ZC2HC1B: variants seen among roughly 807,000 people sequenced by gnomAD.
The protein encoded by ZC2HC1B is zinc finger C2HC-type containing 1B.
A neutral mutation model predicts 31.0 loss-of-function variants in ZC2HC1B; 36 were observed. That is an observed-to-expected ratio of 1.16 (90% CI 0.89 to 1.54). ZC2HC1B has a LOEUF of 1.54. Ranked by LOEUF, ZC2HC1B falls within the 40% of genes most tolerant of loss-of-function variation. The pLI is 0.00. For synonymous variants in ZC2HC1B, 73 were observed against 88.0 expected (o/e 0.83, Z 0.95); for missense variants, 260 against 268.6 (o/e 0.97, Z 0.22).
intron 4 of ZC2HC1B, among the ~76,000 whole-genome samples, chr6:143,892,737 C>A (rs1252171309): frequency 6.6e-6 from 1 of 152,188 alleles, no homozygotes; most frequent in Non-Finnish European, 1.5e-5. Flanking sequence ...GCCTCCGACA[C>A]TGAAGATCAA....
At chr6:143,935,204 C>A (rs1778162342) in intron 6 of ZC2HC1B, among the ~76,000 whole-genome samples, 2 of 152,178 alleles carry the variant, frequency 1.3e-5, no homozygotes, top group African/African-American at 4.8e-5. Flanking sequence ...GCAGACTCAC[C>A]CTCAGGCACC....
rs1255044167 is a variant in ZC2HC1B at position 143,918,280 on chromosome 6, A to G, written c.598+15128A>G. On this transcript the variant is annotated intron_variant, in intron 6 of 7. Transcript: ENST00000237275. The surrounding 1 kb of genome is among the most constrained non-coding windows in gnomAD (Gnocchi z 4.1). The stretch of plus-strand genomic sequence containing the variant: ...CTCCTGAGTAGCTGAGACTAGAGGC[A>G]TGCACCTCTGTACCCATCTCTTCCC... Among the ~76,000 whole-genome samples the G allele has an allele frequency of 6.6e-6, 1 of 152,106 alleles. No individual in the cohort carries two copies. The highest frequency in any genetic ancestry group is 2.4e-5 in the African/African-American group (1 of 41,438).
At chr6:143,925,421 T>C (rs961567339) in intron 6 of ZC2HC1B, among the ~76,000 whole-genome samples, 5 of 151,838 alleles carry the variant, frequency 3.3e-5, no homozygotes, top group Admixed American at 3.3e-4. Flanking sequence ...GTGATCCGCC[T>C]GCCTACGGCC....
At chr6:143,864,993 T>C (rs1182554418) in intron 1 of ZC2HC1B, among the ~76,000 whole-genome samples, 1 of 152,244 alleles carries the variant, frequency 6.6e-6, no homozygotes, top group Non-Finnish European at 1.5e-5. Context: ...AATTCTGTGT[T>C]ATGAGGTGCT....
At position 143,895,677 on chromosome 6, in the gene ZC2HC1B, G is replaced by C. The variant is rs2128494687; in HGVS notation, c.350-2875G>C. On this transcript the variant is annotated intron_variant, in intron 4 of 7. Transcript: ENST00000237275. This position sits in a 1 kb window ranked among gnomAD's most constrained non-coding sequence, Gnocchi z 4.8. ...TACTGTGACAGTTTATGGGGACAGT[G>C]ATATAGAATATTTATAATTGTTATT... Among the ~76,000 whole-genome samples the C allele has an allele frequency of 6.6e-6, 1 of 152,242 alleles. No individual in the cohort carries two copies.
chr6:143,928,824 G>GTT (rs59359194), intron 6 of ZC2HC1B, among the ~76,000 whole-genome samples: 89,199 of 141,946 alleles, frequency 0.63, 28,223 homozygotes, highest in South Asian at 0.76. Flanking sequence ...TATTCCTAGG[G>GTT]TTTTTTTTTT....
At position 143,884,679 on chromosome 6, in the gene ZC2HC1B, G is replaced by C. The variant is rs1777509043; in HGVS notation, c.90+314G>C. On this transcript the variant is annotated intron_variant, in intron 2 of 7. Coordinates refer to ENST00000237275, the MANE Select transcript of ZC2HC1B (RefSeq NM_001013623.3). This position sits in a 1 kb window ranked among gnomAD's most constrained non-coding sequence, Gnocchi z 5.1. ...TAAGCATCGAAAATTCAAATTTCAA[G>C]GCCAAAGCACCAGGGAAATTAGCTA... Among the ~76,000 whole-genome samples the C allele has an allele frequency of 6.6e-6, 1 of 152,094 alleles. No individual in the cohort carries two copies. Among genetic ancestry groups the C allele is most frequent in the Admixed American group, 6.6e-5 (1 of 15,266 alleles).
At chr6:143,912,023 A>G (rs1042666512) in intron 6 of ZC2HC1B, among the ~76,000 whole-genome samples, 1 of 152,030 alleles carries the variant, frequency 6.6e-6, no homozygotes, top group Non-Finnish European at 1.5e-5. Context: ...ATAGTCTTCA[A>G]GCTCTGAGAT....
chr6:143,865,940 C>T lies in ZC2HC1B; in HGVS notation c.28+1373C>T, dbSNP rs1732182777. ...AGGCGATTCCCCTGCCTCAGCCTCC[C>T]GAGTAGCTGGGATTACAGGTGTGCA... On this transcript the variant is annotated intron_variant, in intron 1 of 7. Transcript: ENST00000237275. The surrounding 1 kb of genome is among the most constrained non-coding windows in gnomAD (Gnocchi z 4.4). Among the ~76,000 whole-genome samples the T allele has an allele frequency of 6.6e-6, 1 of 152,188 alleles. No homozygotes were observed. The highest frequency in any genetic ancestry group is 1.5e-5 in the Non-Finnish European group (1 of 68,032).
At chr6:143,866,184 C>T (rs1777259436) in intron 1 of ZC2HC1B, among the ~76,000 whole-genome samples, 1 of 152,238 alleles carries the variant, frequency 6.6e-6, no homozygotes. Context: ...ACCACAGATG[C>T]TCCTTGACTC....
chr6:143,886,182 A>T lies in ZC2HC1B; in HGVS notation c.210+31A>T. ...CCTGATATCTTCTTTAGTGTTTGTT[A>T]TTACATTCTGCGGTACTGTAAGGCC... On this transcript the variant is annotated intron_variant, in intron 3 of 7. Coordinates refer to ENST00000237275, the MANE Select transcript of ZC2HC1B (RefSeq NM_001013623.3). This position sits in a 1 kb window ranked among gnomAD's most constrained non-coding sequence, Gnocchi z 4.2. The T allele has an allele frequency of 6.7e-7, 1 of 1,496,706 alleles. No individual in the cohort carries two copies. Among genetic ancestry groups the T allele is most frequent in the Non-Finnish European group, 8.9e-7 (1 of 1,126,572 alleles). The allele number at this position is 1,496,706 out of a possible 1,614,324, so 92.7% of individuals were successfully genotyped here. A position where few individuals can be genotyped will look rare whatever the true frequency, so the allele number is the denominator to read the frequency against.
rs1266682246 is a variant in ZC2HC1B, at chr6:143,885,725, T to C, written c.91-307T>C. ...TTTTTGTATCAGAAATGTTGAATAC[T>C]TGAAGGACTACTGATTGGAGTAAAG... On this transcript the variant is annotated intron_variant, in intron 2 of 7. Transcript: ENST00000237275. The surrounding 1 kb of genome is among the most constrained non-coding windows in gnomAD (Gnocchi z 4.2). Among the ~76,000 whole-genome samples, 1 of 151,804 alleles carries C rather than the reference T, an allele frequency of 6.6e-6. No homozygotes were observed. The highest frequency in any genetic ancestry group is 1.5e-5 in the Non-Finnish European group (1 of 68,040).
intron 6 of ZC2HC1B, among the ~76,000 whole-genome samples, chr6:143,910,611 A>G (rs1224264072): frequency 6.6e-6 from 1 of 152,192 alleles, no homozygotes; most frequent in Non-Finnish European, 1.5e-5. Context: ...AGTCTCTGAA[A>G]GCCTCTAAGA....
At chr6:143,925,165 CTTTTTTTTTTTTTTT>C (rs71024879) in intron 6 of ZC2HC1B, among the ~76,000 whole-genome samples, 30 of 104,170 alleles carry the variant, frequency 2.9e-4, no homozygotes, top group Admixed American at 4.8e-4. Flanking sequence ...AATCTCATTC[CTTTTTTTTTTTTTTT>C]TTTTTTTTTT....
Position 143,905,524 on chromosome 6 carries a change from C to T in ZC2HC1B, c.598+2372C>T, listed in dbSNP as rs959324579. Among the ~76,000 whole-genome samples, 9 of 152,274 alleles carry T rather than the reference C, an allele frequency of 5.9e-5. No homozygotes were observed. Among genetic ancestry groups the T allele is most frequent in the Admixed American group, 2.0e-4 (3 of 15,300 alleles). ...TGAACAGAGATAATTTTACTTCCTC[C>T]TTTCCAATTTGGATGCCTTTTAATT... On this transcript the variant is annotated intron_variant, in intron 6 of 7. Transcript: ENST00000237275. The surrounding 1 kb of genome is among the most constrained non-coding windows in gnomAD (Gnocchi z 4.2).
At chr6:143,902,622 A>G (rs1355793348) in intron 5 of ZC2HC1B, among the ~76,000 whole-genome samples, 1 of 152,136 alleles carries the variant, frequency 6.6e-6, no homozygotes, top group Admixed American at 6.5e-5. Context: ...TTCATGCTTC[A>G]AACATTTGCT....
In ZC2HC1B at chr6:143,885,971, C is replaced by A; in HGVS notation, c.91-61C>A. Reference sequence around the variant, plus strand: ...TGGAGTGGGGGCTGTCTAGGTACACCTAGGCATTAAAAACTGATTGTGCAC... The same window carrying A: ...TGGAGTGGGGGCTGTCTAGGTACACATAGGCATTAAAAACTGATTGTGCAC... On this transcript the variant is annotated intron_variant, in intron 2 of 7. Coordinates refer to ENST00000237275, the MANE Select transcript of ZC2HC1B (RefSeq NM_001013623.3). This position sits in a 1 kb window ranked among gnomAD's most constrained non-coding sequence, Gnocchi z 4.2. The A allele has an allele frequency of 6.9e-7, 1 of 1,453,790 alleles. No homozygotes were observed. The highest frequency in any genetic ancestry group is 1.5e-5 in the South Asian group (1 of 65,026). 90.1% of individuals were successfully genotyped at this position (1,453,790 alleles called of 1,614,324 possible).
intron 4 of ZC2HC1B, among the ~76,000 whole-genome samples, chr6:143,891,426 C>A (rs1481024257): frequency 2.6e-5 from 4 of 151,650 alleles, no homozygotes; most frequent in Non-Finnish European, 4.4e-5. Flanking sequence ...GCTGGCCAGG[C>A]GTGGTGGCTC....
intron 6 of ZC2HC1B, among the ~76,000 whole-genome samples, chr6:143,910,310 T>C (rs1246191569): frequency 6.6e-6 from 1 of 152,258 alleles, no homozygotes; most frequent in Non-Finnish European, 1.5e-5. Context: ...CTAATTTGAT[T>C]GTGCTGTGGT....
Sources: allele counts gnomAD v4.1 joint callset (sites outside exome capture counted in the v4.1 genomes callset), GRCh38; gene constraint gnomAD v4.1.1; non-coding constraint Gnocchi (gnomAD v3.1); transcripts MANE v1.5; gene names NCBI Gene and HGNC (gene_info 2026-07-23, HGNC 2026-07-21).